The following ZCRB1 variants were observed in gnomAD, a reference collection of about 807,000 sequenced individuals.
The protein encoded by ZCRB1 is zinc finger CCHC-type and RNA-binding motif-containing protein 1.
A neutral mutation model predicts 29.9 loss-of-function variants in ZCRB1; 21 were observed. The ratio of observed to expected loss-of-function variants is 0.70; its 90% CI spans 0.50 to 1.01. The LOEUF (loss-of-function observed/expected upper bound fraction) is 1.01, where lower values mean the gene tolerates loss of function less well. Ranked by LOEUF, ZCRB1 falls within the 50% of genes least tolerant of loss-of-function variation. The pLI is 0.00. For synonymous variants in ZCRB1, 77 were observed against 80.0 expected, an observed-to-expected ratio of 0.96 and a Z score of 0.20; for missense variants, 204 against 253.3, an observed-to-expected ratio of 0.81 and a Z score of 1.32.
At chr12:42,323,919 A>G (rs2068634552) in intron 2 of ZCRB1, 100 bp downstream of exon 2, 3 of 1,188,294 alleles carry the variant, frequency 2.5e-6, no homozygotes, top group Admixed American at 4.0e-5. Flanking sequence ...TGTCTCAAAA[A>G]AAGAAAAAAA....
chr12:42,322,425 CT>C lies in ZCRB1; in HGVS notation c.105del (p.Val36LeufsTer2). 6.7e-7 allele frequency: 1 copy of C among 1,485,150 alleles called. No individual in the cohort carries two copies. The allele number at this position is 1,485,150 out of a possible 1,614,324, so 92.0% of individuals were successfully genotyped here. ...TTTAATGTGAATACTTACTTTACAA[CT>C]TTGCCATACTTGGAAAATATCTGAA... ...DLYRIFSKYG[K>X]VVKVTIMKDK... On this transcript the variant is annotated frameshift_variant, in exon 3 of 8. Transcript: ENST00000266529. LOFTEE classifies it high-confidence loss of function.
chr12:42,313,026 C>A lies in ZCRB1; in HGVS notation c.*41G>T. The A allele has an allele frequency of 5.4e-6, 8 of 1,491,224 alleles. No individual in the cohort carries two copies. In the South Asian group the frequency reaches 1.0e-4, roughly 20 times the overall value. The allele number at this position is 1,491,224 out of a possible 1,614,324, so 92.4% of individuals were successfully genotyped here. ...TAAAATTAGCTCTTCAAGATTGTTA[C>A]TAACAAATCTTGATTTTTATTACTG... On this transcript the variant is annotated 3_prime_UTR_variant, in exon 8 of 8. Coordinates refer to ENST00000266529, the MANE Select transcript of ZCRB1 (RefSeq NM_033114.4).
intron 5 of ZCRB1, among the ~76,000 whole-genome samples, chr12:42,316,856 C>T (rs74499046): frequency 1.7e-3 from 253 of 152,296 alleles, no homozygotes; most frequent in African/African-American, 5.9e-3. Context: ...TATTACCCAA[C>T]TCAGGTTATC....
chr12:42,319,344 A>T (rs1243079281), intron 3 of ZCRB1, among the ~76,000 whole-genome samples: 1 of 152,134 alleles, frequency 6.6e-6, no homozygotes, highest in Non-Finnish European at 1.5e-5. Context: ...GAATAAATAA[A>T]ATCACACCAT....
At chr12:42,322,489 TA>T in intron 2 of ZCRB1, 43 bp from the exon 3 acceptor site, 1 of 1,441,918 alleles carries the variant, frequency 6.9e-7, no homozygotes. Context: ...TTTAAAATCA[TA>T]AAACATCAAA....
intron 4 of ZCRB1, 99 bp from the exon 5 acceptor site, chr12:42,317,546 G>T: frequency 6.5e-6 from 7 of 1,072,820 alleles, no homozygotes; most frequent in South Asian, 1.7e-5. Context: ...AGTTTATTTT[G>T]GATTTTTTAG....
chr12:42,323,739 T>C, intron 2 of ZCRB1: 1 of 370,256 alleles, frequency 2.7e-6, no homozygotes, highest in Non-Finnish European at 4.9e-6. Context: ...TCAAGCAATC[T>C]TCCAACCTCA....
chr12:42,319,783 T>C (rs185744766), intron 3 of ZCRB1, among the ~76,000 whole-genome samples: 1 of 152,228 alleles, frequency 6.6e-6, no homozygotes. Context: ...CAGCTCAATA[T>C]GTTGATTGAT....
chr12:42,315,447 T>C (rs929316746), intron 5 of ZCRB1, among the ~76,000 whole-genome samples: 3 of 152,162 alleles, frequency 2.0e-5, no homozygotes, highest in Non-Finnish European at 4.4e-5. Flanking sequence ...AGAGGTTACT[T>C]ACTGTTAATG....
rs768530586 is a variant in ZCRB1, at chr12:42,324,128, A to G, written c.-2-24T>C. 1.6e-5 allele frequency: 25 copies of G among 1,599,466 alleles called. No homozygotes were observed. In the South Asian group the frequency reaches 2.4e-4, roughly 16 times the overall value. On this transcript the variant is annotated intron_variant, in intron 1 of 7. Coordinates refer to ENST00000266529, the MANE Select transcript of ZCRB1 (RefSeq NM_033114.4). ...TTCTAAAAGTGAAAACAAACTTATC[A>G]GCAATCAGTCTAAACCAGGATTCTT...
Position 42,312,194 on chromosome 12 carries a change from G to A in ZCRB1, c.*873C>T, listed in dbSNP as rs908310754. On this transcript the variant is annotated 3_prime_UTR_variant, in exon 8 of 8. Transcript: ENST00000266529. ...TGCTTTTACTAGTTAAAAAAGTAAT[G>A]GGCATTCTTACAAAGTTAAACAATA... 8 of 151,808 alleles carry A rather than the reference G, an allele frequency of 5.3e-5. No individual in the cohort carries two copies. The highest frequency in any genetic ancestry group is 1.0e-4 in the Non-Finnish European group (7 of 67,962). 9.4% of individuals were successfully genotyped at this position (151,808 alleles called of 1,614,324 possible).
chr12:42,317,683 C>T, intron 4 of ZCRB1, 104 bp downstream of exon 4: 3 of 983,252 alleles, frequency 3.1e-6, no homozygotes, highest in Non-Finnish European at 4.6e-6. Context: ...TAAGAATCTA[C>T]TGATATCTGC....
intron 3 of ZCRB1, among the ~76,000 whole-genome samples, chr12:42,322,091 A>G (rs1407733988): frequency 6.6e-6 from 1 of 152,218 alleles, no homozygotes; most frequent in Non-Finnish European, 1.5e-5. Context: ...GGTTACTTAT[A>G]GTATACTTGA....
chr12:42,315,774 C>T, intron 5 of ZCRB1, among the ~76,000 whole-genome samples: 1 of 152,146 alleles, frequency 6.6e-6, no homozygotes, highest in East Asian at 1.9e-4. Context: ...CCCTCCCTCC[C>T]TTTCTTTCTT....
rs1277621460 is a variant in ZCRB1 at position 42,326,046 on chromosome 12, G to C, written c.-125C>G. The C allele has an allele frequency of 6.6e-6, 1 of 152,348 alleles. No individual in the cohort carries two copies. Among genetic ancestry groups the C allele is most frequent in the Non-Finnish European group, 1.5e-5 (1 of 68,126 alleles). The allele number at this position is 152,348 out of a possible 1,614,324, so 9.4% of individuals were successfully genotyped here. On this transcript the variant is annotated 5_prime_UTR_variant, in exon 1 of 8. Coordinates refer to ENST00000266529, the MANE Select transcript of ZCRB1 (RefSeq NM_033114.4). ...GCATCACGAGTCCTGGGAGGGGTCA[G>C]GCGCGGAGAGCAGATAATAGCAGCC... is the stretch of plus-strand genomic sequence containing the variant.
chr12:42,318,421 G>A (rs561783888), intron 3 of ZCRB1, among the ~76,000 whole-genome samples: 1 of 152,226 alleles, frequency 6.6e-6, no homozygotes, highest in Non-Finnish European at 1.5e-5. Context: ...TTGAGCATGG[G>A]AGTTTGAGAA....
At chr12:42,323,482 A>G (rs1469471497) in intron 2 of ZCRB1, among the ~76,000 whole-genome samples, 1 of 152,108 alleles carries the variant, frequency 6.6e-6, no homozygotes, top group African/African-American at 2.4e-5. Flanking sequence ...TGACCGCCCT[A>G]TGTAAAATTT....
chr12:42,324,151 C>A lies in ZCRB1; in HGVS notation c.-2-47G>T, dbSNP rs776071819. 3.4e-6 allele frequency: 5 copies of A among 1,477,046 alleles called. No individual in the cohort carries two copies. In the South Asian group the frequency reaches 4.7e-5, roughly 14 times the overall value. 91.5% of individuals were successfully genotyped at this position (1,477,046 alleles called of 1,614,324 possible). A position where few individuals can be genotyped will look rare whatever the true frequency, so the allele number is the denominator to read the frequency against. ...TCAGCAATCAGTCTAAACCAGGATTCTTTTTTTGTTGTTTGAGACGGAGTT... is the reference window on the plus strand; with the variant it reads ...TCAGCAATCAGTCTAAACCAGGATTATTTTTTTGTTGTTTGAGACGGAGTT... On this transcript the variant is annotated intron_variant, in intron 1 of 7. Coordinates refer to ENST00000266529, the MANE Select transcript of ZCRB1 (RefSeq NM_033114.4).
intron 5 of ZCRB1, among the ~76,000 whole-genome samples, chr12:42,314,379 G>A (rs1239968962): frequency 1.1e-5 from 1 of 90,254 alleles, no homozygotes; most frequent in African/African-American, 4.4e-5. Flanking sequence ...AACCAAAATG[G>A]TGAAATCCCG....
Sources: gnomAD v4.1 joint callset for allele counts (sites outside exome capture counted in the v4.1 genomes callset) on GRCh38, gnomAD v4.1.1 for gene constraint, MANE v1.5 for transcripts, NCBI Gene and HGNC (gene_info 2026-07-23, HGNC 2026-07-21) for gene names.